Variants in PTPN13 observed in about 807,000 individuals in gnomAD.
PTPN13 encodes the protein protein tyrosine phosphatase non-receptor type 13.
A neutral mutation model predicts 284.0 loss-of-function variants in PTPN13; 191 were observed. The ratio of observed to expected loss-of-function variants is 0.67; its 90% CI spans 0.60 to 0.76. The LOEUF (loss-of-function observed/expected upper bound fraction) is 0.76. Among genes scored for constraint, PTPN13 ranks in the 30% least tolerant of loss-of-function variants. The pLI, the probability that PTPN13 is intolerant of heterozygous loss-of-function variation, is 0.00. For synonymous variants in PTPN13, 986 were observed against 1,022.3 expected, an observed-to-expected ratio of 0.96 and a Z score of 0.68; for missense variants, 2,797 against 2,939.9, an observed-to-expected ratio of 0.95 and a Z score of 1.12.
intron 2 of PTPN13, among the ~76,000 whole-genome samples, chr4:86,652,196 T>C (rs1319617453): frequency 1.3e-5 from 2 of 152,206 alleles, no homozygotes; most frequent in African/African-American, 2.4e-5. Context: ...TCTTTTCTTC[T>C]AATTTTGAGT....
intron 9 of PTPN13, among the ~76,000 whole-genome samples, chr4:86,719,277 C>T (rs966268884): frequency 6.6e-6 from 1 of 152,156 alleles, no homozygotes; most frequent in Non-Finnish European, 1.5e-5. Context: ...ATAGCCTCCA[C>T]CTCTATCCAT....
chr4:86,697,482 T>C (rs769057145), intron 6 of PTPN13, among the ~76,000 whole-genome samples: 51 of 152,130 alleles, frequency 3.4e-4, no homozygotes, highest in Non-Finnish European at 6.3e-4. Flanking sequence ...CTCCAAGATC[T>C]GTCACAGAAG....
chr4:86,745,219 A>C, intron 17 of PTPN13, 91 bp downstream of exon 17: 2 of 1,237,926 alleles, frequency 1.6e-6, no homozygotes, highest in Non-Finnish European at 2.2e-6. Context: ...ATTAGGATGA[A>C]AACTTACAAT....
intron 20 of PTPN13, among the ~76,000 whole-genome samples, chr4:86,757,753 ACT>A (rs1274750868): frequency 6.8e-6 from 1 of 147,252 alleles, no homozygotes; most frequent in Non-Finnish European, 1.5e-5. Context: ...GCAAAGCAAG[ACT>A]CTGTCTCAAA....
intron 2 of PTPN13, among the ~76,000 whole-genome samples, chr4:86,649,105 C>CT (rs1724789665): frequency 6.6e-6 from 1 of 151,816 alleles, no homozygotes; most frequent in Non-Finnish European, 1.5e-5. Context: ...GTTTGTGTTC[C>CT]TTATATATTC....
intron 24 of PTPN13, 121 bp downstream of exon 24, chr4:86,763,311 A>G: frequency 2.4e-6 from 2 of 840,248 alleles, no homozygotes; most frequent in Non-Finnish European, 3.7e-6. Flanking sequence ...GAAATAGTTT[A>G]TATCTTCTAA....
At position 86,666,641 on chromosome 4, in the gene PTPN13, G is replaced by GA. The variant is rs545733450; in HGVS notation, c.116-5723dup. ...TTTTTCTAGAGAGAGAGAAGAAAAA[G>GA]AGACTCCCGAATTGGAATTTCAGCC... On this transcript the variant is annotated intron_variant, in intron 2 of 47. Coordinates refer to ENST00000411767, the MANE Select transcript of PTPN13 (RefSeq NM_080683.3). Among the ~76,000 whole-genome samples the GA allele has an allele frequency of 1.6e-3, 241 of 152,300 alleles. 2 individuals carry two copies. The highest frequency in any genetic ancestry group is 5.6e-3 in the African/African-American group (232 of 41,556).
intron 30 of PTPN13, among the ~76,000 whole-genome samples, chr4:86,770,603 A>G (rs1274802453): frequency 1.3e-5 from 2 of 152,214 alleles, no homozygotes; most frequent in South Asian, 2.1e-4. Flanking sequence ...GAGGCACCAG[A>G]TAGGAAAAAG....
At chr4:86,811,747 T>G (rs941745887) in intron 47 of PTPN13, among the ~76,000 whole-genome samples, 2 of 152,236 alleles carry the variant, frequency 1.3e-5, no homozygotes, top group Non-Finnish European at 2.9e-5. Context: ...GTGGGGGATG[T>G]AGAAGCCGTT....
chr4:86,642,232 C>T (rs1723878256), intron 2 of PTPN13, among the ~76,000 whole-genome samples: 1 of 152,004 alleles, frequency 6.6e-6, no homozygotes, highest in Non-Finnish European at 1.5e-5. Flanking sequence ...TTTATTTTCA[C>T]ATCCTTTATG....
At chr4:86,713,521 G>C (rs1405061882) in intron 7 of PTPN13, among the ~76,000 whole-genome samples, 1 of 151,558 alleles carries the variant, frequency 6.6e-6, no homozygotes, top group East Asian at 1.9e-4. Flanking sequence ...CCTGTGGTAG[G>C]ATGCAATCAT....
rs576596584 is a variant in PTPN13 at position 86,627,491 on chromosome 4, A to G, written c.-5-7761A>G. ...GAAAAGGATTGCTGTTTCACCTTTGATTGGGTTTAGTTTTTGGTTTTTTTT... is the reference window on the plus strand; with the variant it reads ...GAAAAGGATTGCTGTTTCACCTTTGGTTGGGTTTAGTTTTTGGTTTTTTTT... On this transcript the variant is annotated intron_variant, in intron 1 of 47. Transcript: ENST00000411767. 2.8e-4 allele frequency among the ~76,000 whole-genome samples: 42 copies of G among 148,658 alleles called. No individual in the cohort carries two copies. The South Asian group carries it at 8.7e-3, about 31-fold the overall frequency.
chr4:86,644,304 T>A (rs558993180), intron 2 of PTPN13, among the ~76,000 whole-genome samples: 1 of 152,062 alleles, frequency 6.6e-6, no homozygotes, highest in African/African-American at 2.4e-5. Context: ...GCCAAATTTT[T>A]TTTGTGTGTA....
At chr4:86,692,353 GTCT>G (rs1180022837) in intron 5 of PTPN13, among the ~76,000 whole-genome samples, 1 of 152,128 alleles carries the variant, frequency 6.6e-6, no homozygotes, top group Non-Finnish European at 1.5e-5. Context: ...CCATTTACAA[GTCT>G]TCTTATAGGT....
intron 17 of PTPN13, among the ~76,000 whole-genome samples, chr4:86,745,990 G>C (rs571252563): frequency 6.6e-6 from 1 of 152,102 alleles, no homozygotes; most frequent in Non-Finnish European, 1.5e-5. Context: ...GATGGGGGAA[G>C]TATGCACCCA....
intron 15 of PTPN13, 134 bp from the exon 16 acceptor site, chr4:86,741,500 G>T: frequency 2.8e-6 from 2 of 718,830 alleles, no homozygotes; most frequent in Non-Finnish European, 4.6e-6. Flanking sequence ...CTCTCAGTGG[G>T]TCTCTCCCAT....
intron 6 of PTPN13, among the ~76,000 whole-genome samples, chr4:86,695,064 A>C (rs1289407841): frequency 6.6e-6 from 1 of 152,136 alleles, no homozygotes. Flanking sequence ...GTGTAAGTTA[A>C]AGAAAAGCAG....
chr4:86,697,890 G>A (rs565547198), intron 6 of PTPN13, among the ~76,000 whole-genome samples: 1 of 140,972 alleles, frequency 7.1e-6, no homozygotes, highest in East Asian at 1.9e-4. Context: ...TAATTTACAA[G>A]GAAGTTTTTT....
intron 7 of PTPN13, among the ~76,000 whole-genome samples, chr4:86,706,554 T>A (rs1332513235): frequency 6.6e-5 from 10 of 152,080 alleles, no homozygotes; most frequent in Admixed American, 5.9e-4. Flanking sequence ...TTTGGTGGGG[T>A]TCTACTATGG....
Sources: gnomAD v4.1 joint callset for allele counts (sites outside exome capture counted in the v4.1 genomes callset) on GRCh38, gnomAD v4.1.1 for gene constraint, MANE v1.5 for transcripts, NCBI Gene and HGNC (gene_info 2026-07-23, HGNC 2026-07-21) for gene names.